Variants in CACNA1A observed in about 807,000 individuals in gnomAD.
CACNA1A encodes calcium voltage-gated channel subunit alpha1 A, also known as voltage-dependent P/Q-type calcium channel subunit alpha-1A.
Under a neutral mutation model 262.4 loss-of-function variants are expected in CACNA1A, and 57 were observed. That is an observed-to-expected ratio of 0.22 (90% CI 0.18 to 0.27). CACNA1A has a LOEUF of 0.27. Among genes scored for constraint, CACNA1A ranks in the 10% least tolerant of loss-of-function variants. CACNA1A has a pLI of 1.00. For synonymous variants in CACNA1A, 1,431 were observed against 1,419.3 expected, an observed-to-expected ratio of 1.01 and a Z score of -0.18; for missense variants, 2,526 against 3,562.8, an observed-to-expected ratio of 0.71 and a Z score of 7.41.
At chr19:13,500,738 C>G (rs1982281057) in intron 1 of CACNA1A, among the ~76,000 whole-genome samples, 1 of 152,088 alleles carries the variant, frequency 6.6e-6, no homozygotes, top group African/African-American at 2.4e-5. Flanking sequence ...CCACTAAAAC[C>G]CATAAGCCAA....
At chr19:13,376,562 CATAAT>C (rs1230390635) in intron 3 of CACNA1A, among the ~76,000 whole-genome samples, 6 of 148,670 alleles carry the variant, frequency 4.0e-5, no homozygotes, top group South Asian at 2.1e-4. Flanking sequence ...ATATATAACA[CATAAT>C]ATATGTTATA....
chr19:13,341,653 G>C (rs1431401015), intron 6 of CACNA1A, among the ~76,000 whole-genome samples: 1 of 152,128 alleles, frequency 6.6e-6, no homozygotes, highest in African/African-American at 2.4e-5. Context: ...ATTGCTACAT[G>C]GTTTCCCCTC....
chr19:13,446,779 C>CA (rs1174892837), intron 3 of CACNA1A, among the ~76,000 whole-genome samples: 2 of 148,788 alleles, frequency 1.3e-5, no homozygotes, highest in African/African-American at 5.0e-5. Context: ...TTTTTTAAGA[C>CA]AAAATCTCAC....
intron 1 of CACNA1A, among the ~76,000 whole-genome samples, chr19:13,476,862 G>T (rs1978607533): frequency 6.6e-6 from 1 of 152,064 alleles, no homozygotes; most frequent in Non-Finnish European, 1.5e-5. Context: ...TAATTCCCCA[G>T]CTTCTGCCCT....
chr19:13,439,603 G>C (rs1304719266), intron 3 of CACNA1A, among the ~76,000 whole-genome samples: 1 of 151,488 alleles, frequency 6.6e-6, no homozygotes, highest in African/African-American at 2.4e-5. Context: ...AGTAGAGACG[G>C]GGTTTCACCA....
At chr19:13,439,514 C>T (rs2060677307) in intron 3 of CACNA1A, among the ~76,000 whole-genome samples, 1 of 151,840 alleles carries the variant, frequency 6.6e-6, no homozygotes, top group Admixed American at 6.6e-5. Flanking sequence ...ATTCTCCTGC[C>T]TCAGCCTCCC....
chr19:13,287,469 C>G (rs1486760423), intron 19 of CACNA1A, among the ~76,000 whole-genome samples: 9 of 152,182 alleles, frequency 5.9e-5, no homozygotes, highest in Admixed American at 5.9e-4. Flanking sequence ...GAGGTCAAGA[C>G]CTTCACGTGC....
At chr19:13,419,302 T>G (rs943616945) in intron 3 of CACNA1A, among the ~76,000 whole-genome samples, 1 of 152,198 alleles carries the variant, frequency 6.6e-6, no homozygotes, top group Non-Finnish European at 1.5e-5. Flanking sequence ...GTGCAGTAGT[T>G]TATACCATCT....
At chr19:13,458,848 G>A (rs1190703016) in intron 1 of CACNA1A, among the ~76,000 whole-genome samples, 1 of 152,214 alleles carries the variant, frequency 6.6e-6, no homozygotes, top group East Asian at 1.9e-4. Flanking sequence ...ATATGGATCT[G>A]GCAATCTCTG....
Position 13,241,549 on chromosome 19 carries a change from AGGGGGAGCGGGCGGGCG to A in CACNA1A, c.4950+3616_4950+3632del. 7.1e-6 allele frequency: 2 copies of A among 282,490 alleles called. No individual in the cohort carries two copies. Among genetic ancestry groups the A allele is most frequent in the Non-Finnish European group, 1.3e-5 (2 of 159,502 alleles). The allele number at this position is 282,490 out of a possible 1,614,324, so 17.5% of individuals were successfully genotyped here. On this transcript the variant is annotated intron_variant, in intron 31 of 46. Coordinates refer to ENST00000360228, the MANE Select transcript of CACNA1A (RefSeq NM_001127222.2). The surrounding 1 kb of genome is among the most constrained non-coding windows in gnomAD (Gnocchi z 4.0). ...ATTCTAGATGCAGATGTTGAAGATGAGGGGGAGCGGGCGGGCGGGGGCAGTTGGGGAGGCGTGTTCAG... is the reference window on the plus strand; with the variant it reads ...ATTCTAGATGCAGATGTTGAAGATGAGGGGCAGTTGGGGAGGCGTGTTCAG...
At chr19:13,461,957 C>G (rs565810725) in intron 1 of CACNA1A, among the ~76,000 whole-genome samples, 14 of 152,170 alleles carry the variant, frequency 9.2e-5, no homozygotes, top group Non-Finnish European at 1.9e-4. Flanking sequence ...TGAAATTGAT[C>G]AGGACCTGCA....
intron 31 of CACNA1A, among the ~76,000 whole-genome samples, chr19:13,242,343 G>T (rs923051513): frequency 6.6e-6 from 1 of 152,064 alleles, no homozygotes; most frequent in Non-Finnish European, 1.5e-5. Context: ...GCCCAGGCTG[G>T]AGGGCAGTGG....
At chr19:13,404,422 GC>G (rs1258061160) in intron 3 of CACNA1A, among the ~76,000 whole-genome samples, 1 of 152,104 alleles carries the variant, frequency 6.6e-6, no homozygotes, top group Non-Finnish European at 1.5e-5. Flanking sequence ...TTAAGGACAA[GC>G]CTCTCAGTGC....
intron 17 of CACNA1A, 39 bp downstream of exon 17, chr19:13,303,507 G>C (rs903345431): frequency 1.4e-6 from 2 of 1,399,370 alleles, no homozygotes; most frequent in Non-Finnish European, 2.0e-6. Flanking sequence ...ATGGGCAGGT[G>C]GTAACTTTGC....
intron 1 of CACNA1A, among the ~76,000 whole-genome samples, chr19:13,494,816 C>A (rs1981304307): frequency 6.6e-6 from 1 of 152,112 alleles, no homozygotes; most frequent in Admixed American, 6.5e-5. Context: ...CATGAGAACT[C>A]ACTATCACAA....
intron 1 of CACNA1A, among the ~76,000 whole-genome samples, chr19:13,456,590 C>T (rs11668359): frequency 0.038 from 5,802 of 151,758 alleles, 154 homozygotes; most frequent in Non-Finnish European, 0.055. Flanking sequence ...AGGAGAATGG[C>T]GTGAACCTGG....
intron 24 of CACNA1A, chr19:13,263,193 G>C: frequency 4.3e-6 from 1 of 231,034 alleles, no homozygotes; most frequent in South Asian, 6.0e-5. Flanking sequence ...TTTGAGACAG[G>C]GTCTGGCTCT....
chr19:13,240,365 T>C (rs2056033863), intron 31 of CACNA1A, among the ~76,000 whole-genome samples: 2 of 151,834 alleles, frequency 1.3e-5, no homozygotes, highest in Admixed American at 1.3e-4. Context: ...TGGCTCTGTG[T>C]GCAGTGACTG....
chr19:13,446,684 T>C (rs2060821244), intron 3 of CACNA1A, among the ~76,000 whole-genome samples: 1 of 149,854 alleles, frequency 6.7e-6, no homozygotes. Flanking sequence ...CTGGAACTCC[T>C]GACTTCAAGC....
Sources: gnomAD v4.1 joint callset for allele counts (sites outside exome capture counted in the v4.1 genomes callset) on GRCh38, gnomAD v4.1.1 for gene constraint, Gnocchi (gnomAD v3.1) non-coding constraint, MANE v1.5 for transcripts, NCBI Gene and HGNC (gene_info 2026-07-23, HGNC 2026-07-21) for gene names.